Variants in APP observed in about 807,000 individuals in gnomAD.
The protein encoded by APP is amyloid beta precursor protein.
Under a neutral mutation model 101.4 loss-of-function variants are expected in APP, and 31 were observed. The observed-to-expected ratio is 0.31, with a 90% CI of 0.23 to 0.41. The LOEUF (loss-of-function observed/expected upper bound fraction) is 0.41, where lower values mean the gene tolerates loss of function less well. Ranked by LOEUF, APP falls within the 10% of genes least tolerant of loss-of-function variation. APP has a pLI of 1.00. For synonymous variants in APP, 366 were observed against 364.4 expected, an observed-to-expected ratio of 1.00 and a Z score of -0.05; for missense variants, 839 against 1,003.7, an observed-to-expected ratio of 0.84 and a Z score of 2.22.
intron 5 of APP, among the ~76,000 whole-genome samples, chr21:26,028,057 G>A (rs1430325811): frequency 3.3e-5 from 5 of 151,956 alleles, no homozygotes; most frequent in South Asian, 2.1e-4. Flanking sequence ...TTAGCTGGAC[G>A]TGGGGGTGCA....
intron 9 of APP, among the ~76,000 whole-genome samples, chr21:25,976,839 T>G (rs1051088583): frequency 6.6e-6 from 1 of 152,192 alleles, no homozygotes; most frequent in African/African-American, 2.4e-5. Context: ...TCTGTCCTCA[T>G]GAGTAAATTA....
intron 2 of APP, among the ~76,000 whole-genome samples, chr21:26,110,778 T>C (rs1233801801): frequency 6.6e-6 from 1 of 151,954 alleles, no homozygotes; most frequent in Non-Finnish European, 1.5e-5. Context: ...TAAAGAAAAA[T>C]TTCTAGTACA....
intron 1 of APP, among the ~76,000 whole-genome samples, chr21:26,121,548 C>T (rs931255834): frequency 6.6e-5 from 10 of 152,010 alleles, no homozygotes; most frequent in Admixed American, 2.0e-4. Flanking sequence ...TCACCACACC[C>T]GGCTAATTTT....
intron 13 of APP, among the ~76,000 whole-genome samples, chr21:25,948,161 A>ATTT (rs59620258): frequency 0.12 from 17,756 of 147,382 alleles, 2,378 homozygotes; most frequent in African/African-American, 0.33. Flanking sequence ...TGCTGTTATG[A>ATTT]TTTTTTTTTT....
chr21:26,069,511 T>A (rs773907376), intron 3 of APP, among the ~76,000 whole-genome samples: 3 of 152,164 alleles, frequency 2.0e-5, no homozygotes, highest in Non-Finnish European at 4.4e-5. Flanking sequence ...TCTAGGACCC[T>A]CAGCACACAC....
intron 13 of APP, among the ~76,000 whole-genome samples, chr21:25,916,009 A>C (rs1477536407): frequency 6.6e-6 from 1 of 152,096 alleles, no homozygotes; most frequent in Admixed American, 6.5e-5. Context: ...AATAGGAAGA[A>C]ATCCACATTC....
intron 13 of APP, among the ~76,000 whole-genome samples, chr21:25,931,324 T>G (rs913302938): frequency 7.2e-5 from 11 of 152,154 alleles, no homozygotes; most frequent in Non-Finnish European, 1.3e-4. Flanking sequence ...CTGCCCAGGA[T>G]CTGTGACTCT....
intron 15 of APP, among the ~76,000 whole-genome samples, chr21:25,901,565 A>C (rs2038489824): frequency 6.6e-6 from 1 of 152,012 alleles, no homozygotes; most frequent in Non-Finnish European, 1.5e-5. Context: ...AATCTTACTA[A>C]AAGACAAAAT....
At chr21:25,898,558 G>A (rs894857102) in intron 15 of APP, among the ~76,000 whole-genome samples, 2 of 152,188 alleles carry the variant, frequency 1.3e-5, no homozygotes, top group Non-Finnish European at 2.9e-5. Context: ...CCACCCAGGG[G>A]CAGATTGTCA....
intron 1 of APP, among the ~76,000 whole-genome samples, chr21:26,153,176 G>T (rs1433381158): frequency 6.6e-6 from 1 of 152,060 alleles, no homozygotes; most frequent in African/African-American, 2.4e-5. Flanking sequence ...GGGATTAAAA[G>T]AAAAACTAGA....
At chr21:26,074,237 T>C (rs2061460593) in intron 3 of APP, among the ~76,000 whole-genome samples, 1 of 152,056 alleles carries the variant, frequency 6.6e-6, no homozygotes, top group Non-Finnish European at 1.5e-5. Flanking sequence ...GGCATGAAAA[T>C]ACTTAAAGGT....
chr21:25,930,835 AGCTTCTTT>A, intron 13 of APP, among the ~76,000 whole-genome samples: 1 of 152,312 alleles, frequency 6.6e-6, no homozygotes, highest in African/African-American at 2.4e-5. Context: ...CTTATTCACA[AGCTTCTTT>A]AACTTCTTTA....
At chr21:26,035,959 G>A (rs965886199) in intron 5 of APP, among the ~76,000 whole-genome samples, 2 of 152,072 alleles carry the variant, frequency 1.3e-5, no homozygotes, top group African/African-American at 4.8e-5. Flanking sequence ...AGATAGAATA[G>A]CTTTGAGAGA....
rs1249646636 is a variant in APP at position 25,911,906 on chromosome 21, T to C, written c.1744A>G (p.Ser582Gly). The C allele has an allele frequency of 1.2e-6, 2 of 1,614,236 alleles. No homozygotes were observed. Among genetic ancestry groups the C allele is most frequent in the African/African-American group, 2.7e-5 (2 of 75,060 alleles). ...YSDDVLANMI[S>G]EPRISYGNDA... ...TTTCCGTAACTGATCCTTGGTTCAC[T>C]AATCATGTTGGCCAAGACGTCATCT... is the stretch of plus-strand genomic sequence containing the variant. Residue 582 changes from serine to glycine, a missense_variant, in exon 14 of 18, where the codon AGT (serine) becomes GGT (glycine). Transcript: ENST00000346798.
chr21:25,907,284 T>C (rs892482325), intron 14 of APP, among the ~76,000 whole-genome samples: 1 of 152,164 alleles, frequency 6.6e-6, no homozygotes, highest in African/African-American at 2.4e-5. Context: ...GAAGCTGATT[T>C]AGTATAAATT....
chr21:26,059,182 A>G (rs2046167468), intron 3 of APP, among the ~76,000 whole-genome samples: 1 of 152,242 alleles, frequency 6.6e-6, no homozygotes, highest in African/African-American at 2.4e-5. Flanking sequence ...AAAAGATTCT[A>G]GAGCCATACA....
chr21:26,119,600 C>CAT (rs1286106339), intron 1 of APP, among the ~76,000 whole-genome samples: 1 of 152,174 alleles, frequency 6.6e-6, no homozygotes. Flanking sequence ...CAACAGTTGA[C>CAT]ATATACCTAC....
intron 6 of APP, among the ~76,000 whole-genome samples, chr21:26,013,952 T>A (rs1184007243): frequency 2.6e-5 from 4 of 152,200 alleles, no homozygotes. Flanking sequence ...AACAGGCTGT[T>A]ACCTGTCACA....
At chr21:25,895,779 A>C (rs551834923) in intron 16 of APP, among the ~76,000 whole-genome samples, 1 of 152,370 alleles carries the variant, frequency 6.6e-6, no homozygotes, top group East Asian at 1.9e-4. Context: ...CAACATTTTT[A>C]TGAAAAGCAA....
Sources: gnomAD v4.1 joint callset for allele counts (sites outside exome capture counted in the v4.1 genomes callset) on GRCh38, gnomAD v4.1.1 for gene constraint, MANE v1.5 for transcripts, NCBI Gene and HGNC (gene_info 2026-07-23, HGNC 2026-07-21) for gene names.